MCTP2: variants seen among roughly 807,000 people sequenced by gnomAD.
MCTP2 encodes the protein multiple C2 and transmembrane domain containing 2, also known as multiple C2 and transmembrane domain-containing protein 2.
In MCTP2, 132 loss-of-function variants were observed where a neutral mutation model predicts 111.6. The observed-to-expected ratio is 1.18, with a 90% CI of 1.03 to 1.37. The LOEUF is 1.37. MCTP2 is among the 40% of genes most tolerant of loss of function. The probability of loss-of-function intolerance (pLI) is 0.00; values close to 1 mark genes in which losing one functional copy is unlikely to be tolerated. For missense variants in MCTP2, 1,183 were observed against 1,067.9 expected, an observed-to-expected ratio of 1.11 and a Z score of -1.50; for synonymous variants, 395 against 387.7, an observed-to-expected ratio of 1.02 and a Z score of -0.22.
chr15:94,412,752 T>G (rs1384614156), intron 17 of MCTP2, among the ~76,000 whole-genome samples: 1 of 152,176 alleles, frequency 6.6e-6, no homozygotes, highest in African/African-American at 2.4e-5. Context: ...TACATGCAAT[T>G]ATAAACATTT....
At chr15:94,392,818 A>AAAAC (rs922294769) in intron 14 of MCTP2, among the ~76,000 whole-genome samples, 7 of 151,920 alleles carry the variant, frequency 4.6e-5, no homozygotes, top group Non-Finnish European at 7.4e-5. Flanking sequence ...TTCATCTCAA[A>AAAAC]AAACAAACAA....
intron 17 of MCTP2, among the ~76,000 whole-genome samples, chr15:94,435,896 G>T (rs918318358): frequency 2.6e-5 from 4 of 151,954 alleles, no homozygotes; most frequent in Admixed American, 1.3e-4. Flanking sequence ...CTCCCAAAGT[G>T]CTGGGATTAC....
intron 4 of MCTP2, among the ~76,000 whole-genome samples, chr15:94,320,465 C>A (rs771369090): frequency 6.6e-6 from 1 of 152,108 alleles, no homozygotes; most frequent in Non-Finnish European, 1.5e-5. Context: ...TTTGTATGCC[C>A]TCCTGTGCTA....
At chr15:94,320,765 G>A (rs2076597927) in intron 4 of MCTP2, among the ~76,000 whole-genome samples, 2 of 152,134 alleles carry the variant, frequency 1.3e-5, no homozygotes, top group Admixed American at 6.5e-5. Flanking sequence ...AGGTCACCTG[G>A]TCCAGCTGCT....
intron 1 of MCTP2, among the ~76,000 whole-genome samples, chr15:94,243,303 ATACATACGTATGCG>A (rs1464183264): frequency 0.025 from 3,418 of 135,982 alleles, 188 homozygotes; most frequent in Admixed American, 0.062. Flanking sequence ...GCATATATAC[ATACATACGTATGCG>A]TACATACGTA....
intron 2 of MCTP2, among the ~76,000 whole-genome samples, chr15:94,306,138 G>A (rs1194911893): frequency 6.6e-6 from 1 of 152,140 alleles, no homozygotes; most frequent in Non-Finnish European, 1.5e-5. Flanking sequence ...GTTATTCTGA[G>A]CAGGGTGGTC....
At chr15:94,477,519 T>G (rs1466964407) in intron 22 of MCTP2, among the ~76,000 whole-genome samples, 1 of 152,186 alleles carries the variant, frequency 6.6e-6, no homozygotes, top group Non-Finnish European at 1.5e-5. Flanking sequence ...CGGCAGTTTC[T>G]CTAATGGAGA....
chr15:94,313,667 C>T (rs2152361820), intron 2 of MCTP2, among the ~76,000 whole-genome samples: 1 of 152,132 alleles, frequency 6.6e-6, no homozygotes, highest in East Asian at 1.9e-4. Context: ...TGCCATTGCA[C>T]TCCAGCCTGG....
intron 2 of MCTP2, among the ~76,000 whole-genome samples, chr15:94,301,674 T>C (rs28380741): frequency 0.83 from 126,609 of 152,218 alleles, 53,100 homozygotes; most frequent in East Asian, 0.99. Context: ...GTTTTTCCTG[T>C]GAGTTTTCTT....
intron 1 of MCTP2, among the ~76,000 whole-genome samples, chr15:94,263,288 C>T (rs761048437): frequency 3.9e-5 from 6 of 152,120 alleles, no homozygotes; most frequent in Admixed American, 1.3e-4. Flanking sequence ...TCATTGTTCA[C>T]GATAGTTATG....
chr15:94,352,962 G>C (rs1475841218), intron 8 of MCTP2, among the ~76,000 whole-genome samples: 3 of 152,190 alleles, frequency 2.0e-5, no homozygotes, highest in African/African-American at 7.2e-5. Context: ...AGCATGTGTG[G>C]ATCACAGATG....
At chr15:94,443,488 T>C (rs1164824775) in intron 19 of MCTP2, among the ~76,000 whole-genome samples, 2 of 152,104 alleles carry the variant, frequency 1.3e-5, no homozygotes, top group Admixed American at 1.3e-4. Context: ...TGGAATAAAA[T>C]GAAACAAGTG....
intron 17 of MCTP2, among the ~76,000 whole-genome samples, chr15:94,418,008 A>G (rs1228923850): frequency 1.3e-5 from 2 of 152,138 alleles, no homozygotes; most frequent in African/African-American, 2.4e-5. Flanking sequence ...GCTTTACTCT[A>G]TCACTGCACT....
intron 17 of MCTP2, among the ~76,000 whole-genome samples, chr15:94,432,053 A>G (rs1187765045): frequency 1.3e-5 from 2 of 152,166 alleles, no homozygotes; most frequent in Admixed American, 6.5e-5. Flanking sequence ...TTAAGTATTC[A>G]TACAAAATCA....
chr15:94,244,135 C>T (rs536459749), intron 1 of MCTP2, among the ~76,000 whole-genome samples: 1 of 144,356 alleles, frequency 6.9e-6, no homozygotes, highest in Non-Finnish European at 1.5e-5. Context: ...CATGTATACA[C>T]ATGCATATGT....
chr15:94,446,968 G>T (rs1037098585), intron 19 of MCTP2, among the ~76,000 whole-genome samples: 2 of 152,160 alleles, frequency 1.3e-5, no homozygotes, highest in African/African-American at 4.8e-5. Context: ...ATTGATTGAG[G>T]AGCATATTAT....
chr15:94,278,239 G>T (rs966227128), intron 1 of MCTP2: 1 of 152,150 alleles, frequency 6.6e-6, no homozygotes, highest in Non-Finnish European at 1.5e-5. Context: ...TGGACTGCTT[G>T]CTCAGCTCAG....
chr15:94,323,715 A>G (rs2076725639), intron 4 of MCTP2, among the ~76,000 whole-genome samples: 1 of 152,188 alleles, frequency 6.6e-6, no homozygotes, highest in African/African-American at 2.4e-5. Flanking sequence ...TCAATGGTCC[A>G]GGCATGGCAT....
At chr15:94,296,365 T>C (rs761699693) in intron 1 of MCTP2, among the ~76,000 whole-genome samples, 18 of 152,214 alleles carry the variant, frequency 1.2e-4, no homozygotes, top group Non-Finnish European at 2.1e-4. Context: ...AAAGCCAAAA[T>C]GACCCAATAC....
Sources: gnomAD v4.1 joint callset for allele counts (sites outside exome capture counted in the v4.1 genomes callset) on GRCh38, gnomAD v4.1.1 for gene constraint, MANE v1.5 for transcripts, NCBI Gene and HGNC (gene_info 2026-07-23, HGNC 2026-07-21) for gene names.